Variants in AGBL1 observed in about 807,000 individuals in gnomAD.
AGBL1 encodes the protein cytosolic carboxypeptidase 4.
A neutral mutation model predicts 118.9 loss-of-function variants in AGBL1; 130 were observed. That is an observed-to-expected ratio of 1.09 (90% CI 0.95 to 1.26). The LOEUF is 1.26. Among genes scored for constraint, AGBL1 ranks in the 50% most tolerant of loss-of-function variants. AGBL1 has a pLI of 0.00. For missense variants in AGBL1, 1,584 were observed against 1,298.1 expected (o/e 1.22, Z -3.38); for synonymous variants, 555 against 478.9 (o/e 1.16, Z -2.08).
At chr15:86,500,765 G>T (rs1465500207) in intron 18 of AGBL1, among the ~76,000 whole-genome samples, 2 of 151,800 alleles carry the variant, frequency 1.3e-5, no homozygotes, top group East Asian at 3.9e-4. Flanking sequence ...GGCCTTTTAT[G>T]TCTGCCTTCT....
intron 24 of AGBL1, among the ~76,000 whole-genome samples, chr15:87,019,847 AAAT>A (rs2081644317): frequency 1.3e-5 from 2 of 152,054 alleles, no homozygotes; most frequent in South Asian, 4.1e-4. Context: ...TTTTTGAAAA[AAAT>A]AATAAAATAG....
intron 18 of AGBL1, among the ~76,000 whole-genome samples, chr15:86,505,853 A>AT (rs969371922): frequency 2.0e-5 from 3 of 151,856 alleles, no homozygotes; most frequent in African/African-American, 7.2e-5. Flanking sequence ...TATCTCATAA[A>AT]TTTTTTGCTG....
At chr15:86,837,569 G>A (rs542666059) in intron 22 of AGBL1, among the ~76,000 whole-genome samples, 1 of 152,308 alleles carries the variant, frequency 6.6e-6, no homozygotes, top group African/African-American at 2.4e-5. Flanking sequence ...AATATTTGCT[G>A]TCTGACCCTT....
chr15:86,828,698 C>T (rs1456127315), intron 22 of AGBL1, among the ~76,000 whole-genome samples: 1 of 152,076 alleles, frequency 6.6e-6, no homozygotes. Flanking sequence ...TTACAGACAT[C>T]TTGTCTTCAG....
intron 16 of AGBL1, among the ~76,000 whole-genome samples, chr15:86,280,692 T>C (rs1267592590): frequency 1.3e-5 from 2 of 152,202 alleles, no homozygotes; most frequent in Admixed American, 1.3e-4. Context: ...AAGGCTGTGA[T>C]AAGGACTTGG....
chr15:86,636,179 G>A (rs1223884245), intron 21 of AGBL1, among the ~76,000 whole-genome samples: 1 of 152,172 alleles, frequency 6.6e-6, no homozygotes, highest in East Asian at 1.9e-4. Context: ...ACAGCACAGT[G>A]TTAATTCATT....
chr15:86,223,456 G>A (rs977555532), intron 5 of AGBL1, among the ~76,000 whole-genome samples: 2 of 152,034 alleles, frequency 1.3e-5, no homozygotes, highest in African/African-American at 4.8e-5. Context: ...ATATACTATG[G>A]CACCTGGATT....
chr15:86,466,918 T>A (rs1457286820), intron 18 of AGBL1, among the ~76,000 whole-genome samples: 1 of 152,180 alleles, frequency 6.6e-6, no homozygotes, highest in Non-Finnish European at 1.5e-5. Flanking sequence ...CTCTCCTGTA[T>A]GAAGTGTCTC....
intron 23 of AGBL1, among the ~76,000 whole-genome samples, chr15:86,944,794 T>C (rs1309370598): frequency 6.6e-6 from 1 of 152,186 alleles, no homozygotes; most frequent in Non-Finnish European, 1.5e-5. Context: ...AGCAATTCCA[T>C]TTTCAATTTT....
chr15:86,920,717 G>A (rs1056077546), downstream of AGBL1, among the ~76,000 whole-genome samples: 3 of 152,156 alleles, frequency 2.0e-5, no homozygotes, highest in African/African-American at 7.2e-5. Context: ...GATTTTACAT[G>A]TGAGGCCAAA....
intron 5 of AGBL1, among the ~76,000 whole-genome samples, chr15:86,218,000 T>C (rs949232695): frequency 1.3e-4 from 20 of 152,166 alleles, no homozygotes; most frequent in African/African-American, 4.8e-4. Flanking sequence ...GCTATAGCAG[T>C]AGTTGGGTGA....
intron 19 of AGBL1, among the ~76,000 whole-genome samples, chr15:86,544,400 T>C (rs1204463544): frequency 6.6e-6 from 1 of 152,184 alleles, no homozygotes; most frequent in Non-Finnish European, 1.5e-5. Context: ...TTGCTCAGTC[T>C]TATTGACCAA....
At chr15:87,019,985 C>T (rs1179171582) in intron 24 of AGBL1, among the ~76,000 whole-genome samples, 1 of 152,132 alleles carries the variant, frequency 6.6e-6, no homozygotes, top group South Asian at 2.1e-4. Flanking sequence ...ATAAACTCCT[C>T]TATGCACATA....
At chr15:86,555,438 G>C (rs374025205) in intron 21 of AGBL1, among the ~76,000 whole-genome samples, 3 of 152,252 alleles carry the variant, frequency 2.0e-5, no homozygotes, top group African/African-American at 7.2e-5. Context: ...AGAGTACAGG[G>C]TGTGACAGGC....
chr15:86,397,340 A>G, intron 17 of AGBL1, 26 bp from the exon 18 acceptor site: 1 of 1,438,822 alleles, frequency 7.0e-7, no homozygotes, highest in Non-Finnish European at 9.2e-7. Flanking sequence ...TTTGGGTTTA[A>G]TTTTCTTATG....
At chr15:86,887,356 G>A (rs1199167028) in intron 22 of AGBL1, among the ~76,000 whole-genome samples, 1 of 152,044 alleles carries the variant, frequency 6.6e-6, no homozygotes, top group Non-Finnish European at 1.5e-5. Flanking sequence ...CTAAGGATAA[G>A]CATCTCTTTC....
At chr15:86,432,978 G>T (rs567757155) in intron 18 of AGBL1, among the ~76,000 whole-genome samples, 53 of 152,160 alleles carry the variant, frequency 3.5e-4, no homozygotes, top group Non-Finnish European at 3.5e-4. Flanking sequence ...GCCATGCTGA[G>T]GTCCAGTCCT....
At chr15:86,869,796 A>G (rs1398264618) in intron 22 of AGBL1, among the ~76,000 whole-genome samples, 2 of 152,206 alleles carry the variant, frequency 1.3e-5, no homozygotes, top group Non-Finnish European at 2.9e-5. Context: ...CCTTATCCCA[A>G]GTGGCCCAAG....
intron 23 of AGBL1, among the ~76,000 whole-genome samples, chr15:86,923,169 C>T (rs1252535494): frequency 6.6e-6 from 1 of 152,182 alleles, no homozygotes; most frequent in Non-Finnish European, 1.5e-5. Context: ...CACCAGATAA[C>T]TTTGAACACA....
Sources: allele counts gnomAD v4.1 joint callset (sites outside exome capture counted in the v4.1 genomes callset), GRCh38; gene constraint gnomAD v4.1.1; transcripts MANE v1.5; gene names NCBI Gene and HGNC (gene_info 2026-07-23, HGNC 2026-07-21).